The following KCNH7 variants were observed in gnomAD, a reference collection of about 807,000 sequenced individuals.
KCNH7 encodes potassium voltage-gated channel subfamily H member 7, also known as voltage-gated inwardly rectifying potassium channel KCNH7.
KCNH7 carries 49 observed loss-of-function variants against 120.8 expected under a neutral mutation model. The observed-to-expected ratio is 0.41, with a 90% CI of 0.32 to 0.51. KCNH7 has a LOEUF of 0.51. KCNH7 is among the 20% of genes least tolerant of loss of function. The pLI, the probability that KCNH7 is intolerant of heterozygous loss-of-function variation, is 0.38. For synonymous variants in KCNH7, 547 were observed against 516.1 expected, an observed-to-expected ratio of 1.06 and a Z score of -0.81; for missense variants, 1,097 against 1,446.6, an observed-to-expected ratio of 0.76 and a Z score of 3.92.
At chr2:162,500,062 G>A (rs1574033399) in intron 6 of KCNH7, among the ~76,000 whole-genome samples, 1 of 151,110 alleles carries the variant, frequency 6.6e-6, no homozygotes, top group South Asian at 2.1e-4. Flanking sequence ...GCAGAGATTT[G>A]CCTTTTAATT....
intron 3 of KCNH7, among the ~76,000 whole-genome samples, chr2:162,522,486 G>A (rs1167029446): frequency 1.3e-5 from 2 of 151,736 alleles, no homozygotes; most frequent in African/African-American, 2.4e-5. Flanking sequence ...CAGTTCATCC[G>A]GAAAGAATGC....
At position 162,413,129 on chromosome 2, in the gene KCNH7, A is replaced by AT. The variant is rs201489738; in HGVS notation, c.2154+10206dup. 8.4e-3 allele frequency among the ~76,000 whole-genome samples: 1,270 copies of AT among 151,574 alleles called. 19 individuals are homozygous for AT. The highest frequency in any genetic ancestry group is 0.029 in the African/African-American group (1,189 of 41,330). On this transcript the variant is annotated intron_variant, in intron 9 of 15. Transcript: ENST00000332142. ...TATATAAAACTGCTAAACACAAACC[A>AT]TTTTTTTTGTTTTTTTTAAGATGGA...
intron 8 of KCNH7, among the ~76,000 whole-genome samples, chr2:162,426,134 A>G (rs1364544470): frequency 6.7e-6 from 1 of 150,354 alleles, no homozygotes; most frequent in Non-Finnish European, 1.5e-5. Flanking sequence ...GAATTGCTTG[A>G]TCCAGGGAGG....
At chr2:162,805,546 G>C (rs111984596) in intron 2 of KCNH7, among the ~76,000 whole-genome samples, 3,670 of 151,890 alleles carry the variant, frequency 0.024, 137 homozygotes, top group African/African-American at 0.078. Flanking sequence ...CCACCTTCCT[G>C]CTACAAGAAT....
intron 2 of KCNH7, among the ~76,000 whole-genome samples, chr2:162,576,168 C>A (rs764304118): frequency 6.6e-6 from 1 of 152,034 alleles, no homozygotes; most frequent in Non-Finnish European, 1.5e-5. Context: ...GTGAAGAATT[C>A]AAATCCTCTC....
At chr2:162,427,009 A>T (rs1687885069) in intron 8 of KCNH7, among the ~76,000 whole-genome samples, 1 of 152,026 alleles carries the variant, frequency 6.6e-6, no homozygotes, top group Non-Finnish European at 1.5e-5. Context: ...TCTTTTGCTC[A>T]ACATAATGTT....
At chr2:162,597,385 T>A (rs1367776874) in intron 2 of KCNH7, among the ~76,000 whole-genome samples, 1 of 152,054 alleles carries the variant, frequency 6.6e-6, no homozygotes, top group Non-Finnish European at 1.5e-5. Flanking sequence ...CTGTCATTTG[T>A]GACAACATGG....
intron 2 of KCNH7, among the ~76,000 whole-genome samples, chr2:162,808,762 A>G (rs1313452437): frequency 6.6e-6 from 1 of 151,810 alleles, no homozygotes. Flanking sequence ...TAATAAAAGA[A>G]TACTAATTAT....
chr2:162,397,832 G>A (rs1280205850), intron 10 of KCNH7, among the ~76,000 whole-genome samples: 1 of 151,828 alleles, frequency 6.6e-6, no homozygotes, highest in Non-Finnish European at 1.5e-5. Flanking sequence ...TACAGAAAGA[G>A]CATTAAAGAG....
chr2:162,836,794 T>G, intron 1 of KCNH7, 27 bp from the exon 2 acceptor site: 2 of 1,527,896 alleles, frequency 1.3e-6, no homozygotes, highest in Non-Finnish European at 1.8e-6. Flanking sequence ...GTATGGCATC[T>G]TTGAAAAAGC....
At chr2:162,824,223 A>T (rs1170848298) in intron 2 of KCNH7, among the ~76,000 whole-genome samples, 1 of 152,208 alleles carries the variant, frequency 6.6e-6, no homozygotes, top group African/African-American at 2.4e-5. Context: ...TGTAACTCAC[A>T]CTATACACAG....
intron 12 of KCNH7, among the ~76,000 whole-genome samples, chr2:162,387,954 G>C (rs1360626517): frequency 2.0e-5 from 3 of 151,718 alleles, no homozygotes; most frequent in African/African-American, 7.2e-5. Context: ...TTTGGTCAAA[G>C]AGAAGCATTT....
At chr2:162,527,603 A>G (rs527872406) in intron 3 of KCNH7, among the ~76,000 whole-genome samples, 1 of 152,040 alleles carries the variant, frequency 6.6e-6, no homozygotes, top group Admixed American at 6.6e-5. Context: ...TTAATGGTTT[A>G]AATTAGCTAG....
intron 2 of KCNH7, among the ~76,000 whole-genome samples, chr2:162,674,172 G>C (rs898097975): frequency 2.6e-5 from 4 of 151,764 alleles, no homozygotes; most frequent in African/African-American, 9.7e-5. Flanking sequence ...TAGTATCTTT[G>C]CTGAGTACAT....
At chr2:162,616,447 C>T (rs1683143070) in intron 2 of KCNH7, among the ~76,000 whole-genome samples, 1 of 152,124 alleles carries the variant, frequency 6.6e-6, no homozygotes, top group South Asian at 2.1e-4. Context: ...AGACTTTTAT[C>T]CTTGTGTGTC....
At chr2:162,620,151 GAT>G (rs72479668) in intron 2 of KCNH7, among the ~76,000 whole-genome samples, 2,863 of 135,652 alleles carry the variant, frequency 0.021, 85 homozygotes, top group East Asian at 0.13. Context: ...GAGAAATATA[GAT>G]ATATATATAG....
At chr2:162,635,531 A>G (rs1208941323) in intron 2 of KCNH7, among the ~76,000 whole-genome samples, 1 of 151,926 alleles carries the variant, frequency 6.6e-6, no homozygotes, top group Non-Finnish European at 1.5e-5. Context: ...AAGTTTTGCA[A>G]ATCTCAGTGC....
chr2:162,516,393 G>C (rs1053478174), intron 4 of KCNH7, among the ~76,000 whole-genome samples: 1 of 151,720 alleles, frequency 6.6e-6, no homozygotes, highest in Admixed American at 6.6e-5. Context: ...GACAAAGCAG[G>C]GAAGAGTATT....
chr2:162,580,247 G>T (rs1693825204), intron 2 of KCNH7, among the ~76,000 whole-genome samples: 1 of 152,032 alleles, frequency 6.6e-6, no homozygotes, highest in African/African-American at 2.4e-5. Flanking sequence ...AATGATGTAA[G>T]TTGGTTCCCA....
Sources: gnomAD v4.1 joint callset for allele counts (sites outside exome capture counted in the v4.1 genomes callset) on GRCh38, gnomAD v4.1.1 for gene constraint, MANE v1.5 for transcripts, NCBI Gene and HGNC (gene_info 2026-07-23, HGNC 2026-07-21) for gene names.